The following MPPED1 variants were observed in gnomAD, a reference collection of about 807,000 sequenced individuals.
MPPED1 encodes metallophosphoesterase domain containing 1, also known as metallophosphoesterase domain-containing protein 1.
In MPPED1, 16 loss-of-function variants were observed where a neutral mutation model predicts 36.2. The ratio of observed to expected loss-of-function variants is 0.44; its 90% CI spans 0.30 to 0.67. MPPED1 has a LOEUF of 0.67. Ranked by LOEUF, MPPED1 falls within the 30% of genes least tolerant of loss-of-function variation. The pLI is 0.10. For synonymous variants in MPPED1, 199 were observed against 191.3 expected, an observed-to-expected ratio of 1.04 and a Z score of -0.33; for missense variants, 307 against 453.4, an observed-to-expected ratio of 0.68 and a Z score of 2.93.
intron 4 of MPPED1, among the ~76,000 whole-genome samples, chr22:43,490,127 G>A (rs1341499557): frequency 2.0e-5 from 3 of 152,236 alleles, no homozygotes; most frequent in Non-Finnish European, 4.4e-5. Context: ...CCCAGTAGAG[G>A]AAAACAAGGC....
intron 4 of MPPED1, among the ~76,000 whole-genome samples, chr22:43,483,222 C>G (rs1354412839): frequency 2.0e-5 from 3 of 152,260 alleles, no homozygotes; most frequent in Non-Finnish European, 4.4e-5. Context: ...AGGTTAATCT[C>G]CTGGCCCCAT....
intron 3 of MPPED1, among the ~76,000 whole-genome samples, chr22:43,457,734 A>T (rs1290428205): frequency 6.6e-6 from 1 of 152,190 alleles, no homozygotes; most frequent in Non-Finnish European, 1.5e-5. Flanking sequence ...ATAACAATCT[A>T]GTTTTGATTA....
intron 4 of MPPED1, among the ~76,000 whole-genome samples, chr22:43,490,717 C>A (rs1328942870): frequency 6.6e-6 from 1 of 152,218 alleles, no homozygotes; most frequent in Non-Finnish European, 1.5e-5. Context: ...AAGGCACCAC[C>A]AGAAATGTGT....
chr22:43,462,775 T>A (rs1385879246), intron 3 of MPPED1, among the ~76,000 whole-genome samples: 1 of 152,138 alleles, frequency 6.6e-6, no homozygotes, highest in East Asian at 1.9e-4. Flanking sequence ...TGGGACTGAT[T>A]GATTTCCAGT....
intron 1 of MPPED1, among the ~76,000 whole-genome samples, chr22:43,420,592 G>C (rs1929234793): frequency 6.6e-6 from 1 of 152,066 alleles, no homozygotes; most frequent in African/African-American, 2.4e-5. Flanking sequence ...AGTAGAGACA[G>C]GGTTTCTCCA....
intron 3 of MPPED1, among the ~76,000 whole-genome samples, chr22:43,459,980 G>A (rs985625492): frequency 3.3e-5 from 5 of 152,212 alleles, no homozygotes; most frequent in Admixed American, 1.3e-4. Context: ...AGGCCAAGGC[G>A]AGTGGATCAC....
At position 43,435,019 on chromosome 22, in the gene MPPED1, C is replaced by T; in HGVS notation, c.225-15C>T. The T allele has an allele frequency of 6.2e-7, 1 of 1,611,150 alleles. No homozygotes were observed. Among genetic ancestry groups the T allele is most frequent in the Non-Finnish European group, 8.5e-7 (1 of 1,178,106 alleles). On this transcript the variant is annotated splice_polypyrimidine_tract_variant and intron_variant, in intron 2 of 6. Coordinates refer to ENST00000443721, the MANE Select transcript of MPPED1 (RefSeq NM_001044370.2). Reference sequence around the variant, plus strand: ...TCCATGGCCTCCTGATCCGCAGTGTCATCTCTCCCTGCAGGGTGGACCCGG... The same window carrying T: ...TCCATGGCCTCCTGATCCGCAGTGTTATCTCTCCCTGCAGGGTGGACCCGG...
intron 2 of MPPED1, 50 bp downstream of exon 2, chr22:43,425,259 G>A: frequency 1.3e-6 from 2 of 1,498,820 alleles, no homozygotes; most frequent in Non-Finnish European, 1.8e-6. Context: ...GCCCCCTGGG[G>A]TGGGTGCATG....
chr22:43,434,939 G>A (rs1206070431), intron 2 of MPPED1, 95 bp from the exon 3 acceptor site: 8 of 1,330,996 alleles, frequency 6.0e-6, no homozygotes, highest in Non-Finnish European at 2.1e-6. Flanking sequence ...GGGATTGATG[G>A]GGCTGTGAGC....
chr22:43,504,582 T>C (rs62638145), intron 6 of MPPED1, among the ~76,000 whole-genome samples: 63,266 of 151,298 alleles, frequency 0.42, 14,994 homozygotes, highest in East Asian at 0.88. Flanking sequence ...GTGATGATGA[T>C]GTTGATGGTG....
intron 2 of MPPED1, among the ~76,000 whole-genome samples, chr22:43,430,500 T>C (rs1929637080): frequency 6.6e-6 from 1 of 151,974 alleles, no homozygotes; most frequent in South Asian, 2.1e-4. Context: ...CAGCCTGGGG[T>C]CTGGCGTCGG....
At chr22:43,479,414 C>T (rs565322904) in intron 4 of MPPED1, among the ~76,000 whole-genome samples, 5 of 152,342 alleles carry the variant, frequency 3.3e-5, no homozygotes, top group East Asian at 3.9e-4. Flanking sequence ...GAGGGGCAGA[C>T]GTGTTCACCA....
chr22:43,463,807 T>TTTTCTTTCTTTCTTTTTTCTTTCTTTC (rs1491212045), intron 3 of MPPED1, among the ~76,000 whole-genome samples: 1 of 112,890 alleles, frequency 8.9e-6, no homozygotes, highest in Non-Finnish European at 1.8e-5. Context: ...TCATTTTTTC[T>TTTTCTTTCTTTCTTTTTTCTTTCTTTC]TTTCTTTCTT....
chr22:43,422,633 A>G lies in MPPED1; in HGVS notation c.-78-2275A>G, dbSNP rs551013489. 7.2e-5 allele frequency among the ~76,000 whole-genome samples: 11 copies of G among 152,148 alleles called. No individual in the cohort carries two copies. In the South Asian group the frequency reaches 2.1e-3, roughly 29 times the overall value. On this transcript the variant is annotated intron_variant, in intron 1 of 6. Transcript: ENST00000443721. ...GAACTGGCCCCTTGGTTCGCACTTG[A>G]CACCCTCGTACCAAGGGTGTCCAGT...
In MPPED1 at chr22:43,435,115, G is replaced by C; in HGVS notation, c.306G>C (p.Thr102=). The C allele has an allele frequency of 6.2e-7, 1 of 1,613,866 alleles. No homozygotes were observed. The highest frequency in any genetic ancestry group is 2.2e-5 in the East Asian group (1 of 44,880). ...FVCVSDTHSR[T]DPIQMPYGDV... is the part of the protein sequence containing the mutation. ...GCGTCTCTGATACCCACTCGAGGAC[G>C]GACCCCATCCAGATGCCGTACGGCG... The change falls in exon 3 of 7, where the codon ACG becomes ACC. Residue 102 remains threonine, a synonymous_variant. Transcript: ENST00000443721.
intron 2 of MPPED1, among the ~76,000 whole-genome samples, chr22:43,430,371 T>A (rs976201580): frequency 6.6e-6 from 1 of 152,130 alleles, no homozygotes; most frequent in African/African-American, 2.4e-5. Context: ...GCTGTGAAGG[T>A]TGGTGAAGTT....
intron 4 of MPPED1, among the ~76,000 whole-genome samples, chr22:43,489,380 C>T (rs548912541): frequency 2.0e-5 from 3 of 152,150 alleles, no homozygotes; most frequent in South Asian, 4.1e-4. Flanking sequence ...TCTACTCAGT[C>T]GTGCCCACCC....
At chr22:43,472,246 A>G (rs995360470) in intron 3 of MPPED1, among the ~76,000 whole-genome samples, 1 of 152,240 alleles carries the variant, frequency 6.6e-6, no homozygotes, top group African/African-American at 2.4e-5. Context: ...CAAGTTTTAA[A>G]AAAAAGTTGT....
rs771285644 is a variant in MPPED1, at chr22:43,498,361, G to C, written c.748+11G>C. ...ATGGACCACCACTGGGTAAGGCTCTGCTGGCCTGGCCCTCCAGCTCGCCCA... is the reference window on the plus strand; with the variant it reads ...ATGGACCACCACTGGGTAAGGCTCTCCTGGCCTGGCCCTCCAGCTCGCCCA... On this transcript the variant is annotated intron_variant, in intron 5 of 6. Transcript: ENST00000443721. The C allele has an allele frequency of 6.5e-7, 1 of 1,529,184 alleles. No homozygotes were observed. The highest frequency in any genetic ancestry group is 1.2e-5 in the South Asian group (1 of 83,602). 94.7% of individuals were successfully genotyped at this position (1,529,184 alleles called of 1,614,324 possible). A position where few individuals can be genotyped will look rare whatever the true frequency, so the allele number is the denominator to read the frequency against.
Sources: allele counts gnomAD v4.1 joint callset (sites outside exome capture counted in the v4.1 genomes callset), GRCh38; gene constraint gnomAD v4.1.1; transcripts MANE v1.5; gene names NCBI Gene and HGNC (gene_info 2026-07-23, HGNC 2026-07-21).